Variants in ING3 observed in about 807,000 individuals in gnomAD.
The protein encoded by ING3 is inhibitor of growth family member 3, also known as inhibitor of growth protein 3.
ING3 carries 6 observed loss-of-function variants against 64.8 expected under a neutral mutation model. That is an observed-to-expected ratio of 0.09 (90% CI 0.05 to 0.18). The LOEUF (loss-of-function observed/expected upper bound fraction) is 0.18, where lower values mean the gene tolerates loss of function less well. ING3 is among the 10% of genes least tolerant of loss of function. The pLI is 1.00. For missense variants in ING3, 310 were observed against 489.7 expected (o/e 0.63, Z 3.46); for synonymous variants, 170 against 173.7 (o/e 0.98, Z 0.17).
At chr7:120,974,683 C>T (rs1455065955) in intron 11 of ING3, 45 bp from the exon 12 acceptor site, 1 of 1,048,788 alleles carries the variant, frequency 9.5e-7, no homozygotes, top group Non-Finnish European at 1.5e-6. Context: ...ACTCTCTTGT[C>T]TTCAGAAGTA....
At position 120,973,116 on chromosome 7, in the gene ING3, T is replaced by G. The variant is rs1288358782; in HGVS notation, c.1102-89T>G. 4.0e-6 allele frequency: 3 copies of G among 741,606 alleles called. No individual in the cohort carries two copies. In the East Asian group the frequency reaches 7.7e-5, roughly 19 times the overall value. 45.9% of individuals were successfully genotyped at this position (741,606 alleles called of 1,614,324 possible). A position where few individuals can be genotyped will look rare whatever the true frequency, so the allele number is the denominator to read the frequency against. On this transcript the variant is annotated intron_variant, in intron 10 of 11. Coordinates refer to ENST00000315870, the MANE Select transcript of ING3 (RefSeq NM_019071.3). The stretch of plus-strand genomic sequence containing the variant: ...GTATATTCAGTGTATTTCCCTTTAT[T>G]TTCCAGCAGTATCATACATAAACAG...
In ING3 at chr7:120,969,113, G is replaced by T; in HGVS notation, c.817G>T (p.Val273Phe). 1 of 1,614,008 alleles carries T rather than the reference G, an allele frequency of 6.2e-7. No individual in the cohort carries two copies. Among genetic ancestry groups the T allele is most frequent in the South Asian group, 1.1e-5 (1 of 91,084 alleles). Reference protein sequence around the residue: ...GKEFSMARETVGYSSSSALMT... With the variant: ...GKEFSMARETFGYSSSSALMT... ...AGAATTTTCAATGGCCAGGGAAACAGTTGGCTATTCATCATCTTCGGCACT... is the reference window on the plus strand; with the variant it reads ...AGAATTTTCAATGGCCAGGGAAACATTTGGCTATTCATCATCTTCGGCACT... The change falls in exon 9 of 12, where the codon GTT becomes TTT. Residue 273 changes from valine to phenylalanine, a missense_variant. Around this residue, in one of 3 missense-constraint regions of ING3, gnomAD observed 233 missense variants for 289.4 expected, o/e 0.81. Transcript: ENST00000315870.
rs1379626305 is a variant in ING3, at chr7:120,955,553, A to C, written c.202-6A>C. 3.1e-6 allele frequency: 5 copies of C among 1,591,338 alleles called. No homozygotes were observed. The African/African-American group carries it at 6.7e-5, about 21-fold the overall frequency. On this transcript the variant is annotated splice_region_variant and splice_polypyrimidine_tract_variant and intron_variant, in intron 3 of 11. Coordinates refer to ENST00000315870, the MANE Select transcript of ING3 (RefSeq NM_019071.3). ...TTATTTTTGAAATGAAAATGTTTTC[A>C]TTCAGGACTACTATAAAGCTTTGGA...
At position 120,955,609 on chromosome 7, in the gene ING3, C is replaced by T. The variant is rs778521456; in HGVS notation, c.252C>T (p.Asn84=). The change falls in exon 4 of 12, where the codon AAC becomes AAT. Residue 84 remains asparagine, a synonymous_variant. Coordinates refer to ENST00000315870, the MANE Select transcript of ING3 (RefSeq NM_019071.3). Reference sequence around the variant, plus strand: ...CAGATGAGAAGGTTCAGTTGGCAAACCAGATATATGACTTGGTAAGTAAAA... The same window carrying T: ...CAGATGAGAAGGTTCAGTTGGCAAATCAGATATATGACTTGGTAAGTAAAA... The part of the protein sequence containing the change: ...EDADEKVQLA[N]QIYDLVDRHL... 6.2e-7 allele frequency: 1 copy of T among 1,607,220 alleles called. No homozygotes were observed. Among genetic ancestry groups the T allele is most frequent in the Non-Finnish European group, 8.5e-7 (1 of 1,173,868 alleles).
chr7:120,968,611 G>A (rs560007654), intron 8 of ING3, among the ~76,000 whole-genome samples: 11 of 151,998 alleles, frequency 7.2e-5, no homozygotes, highest in Non-Finnish European at 1.6e-4. Flanking sequence ...TTGATAGGCC[G>A]AGGCAGGTGG....
At chr7:120,972,740 A>G (rs942227089) in intron 10 of ING3, among the ~76,000 whole-genome samples, 1 of 152,210 alleles carries the variant, frequency 6.6e-6, no homozygotes, top group Non-Finnish European at 1.5e-5. Flanking sequence ...TTAGCAAGTT[A>G]TGCCCTAAAG....
At chr7:120,974,365 A>G (rs557517010) in intron 11 of ING3, among the ~76,000 whole-genome samples, 1 of 152,226 alleles carries the variant, frequency 6.6e-6, no homozygotes, top group Non-Finnish European at 1.5e-5. Flanking sequence ...ACAGCAAATA[A>G]GGCTGACTAT....
intron 4 of ING3, chr7:120,956,541 A>G (rs1795850153): frequency 9.7e-7 from 1 of 1,025,806 alleles, no homozygotes; most frequent in Non-Finnish European, 1.2e-6. Context: ...GAAAATGTCT[A>G]GTTGTTTTTA....
At position 120,967,969 on chromosome 7, in the gene ING3, A is replaced by G. The variant is rs938680740; in HGVS notation, c.592A>G (p.Asn198Asp). ...RNNNSTASSN[N>D]AYNVNSSQPL... ...TAATAATTCCACAGCCTCTTCTAAC[A>G]ATGCCTACAATGTGAATTCCTCCCA... The change falls in exon 8 of 12, where the codon AAT (asparagine) becomes GAT (aspartate). Residue 198 changes from asparagine (N) to aspartate (D), a missense_variant. Physicochemically the swap from Asn to Asp is conservative, Grantham distance 23. Coordinates refer to ENST00000315870, the MANE Select transcript of ING3 (RefSeq NM_019071.3). 1.3e-5 allele frequency: 21 copies of G among 1,613,994 alleles called. No homozygotes were observed. Among genetic ancestry groups the G allele is most frequent in the Non-Finnish European group, 1.7e-5 (20 of 1,180,004 alleles).
Position 120,976,052 on chromosome 7 carries a change from T to G in ING3, c.*1208T>G, listed in dbSNP as rs1796131042. 6.6e-6 allele frequency: 1 copy of G among 152,158 alleles called. No individual in the cohort carries two copies. The highest frequency in any genetic ancestry group is 2.1e-4 in the South Asian group (1 of 4,838). The allele number at this position is 152,158 out of a possible 1,614,324, so 9.4% of individuals were successfully genotyped here. ...TTCTACCACTTACTGATATGACAGT[T>G]AATTCAAATTTTGTATCACTCTGGG... On this transcript the variant is annotated 3_prime_UTR_variant, in exon 12 of 12. Coordinates refer to ENST00000315870, the MANE Select transcript of ING3 (RefSeq NM_019071.3).
intron 4 of ING3, among the ~76,000 whole-genome samples, chr7:120,957,826 G>C (rs1584989092): frequency 6.6e-6 from 1 of 152,184 alleles, no homozygotes; most frequent in Non-Finnish European, 1.5e-5. Flanking sequence ...ATGCAGATGT[G>C]AGTTCAAACC....
chr7:120,954,565 A>G lies in ING3; in HGVS notation c.202-994A>G, dbSNP rs116208628. ...TTAGGAAAAAAAAAAATCATAATCT[A>G]TAACAGAAGTGGTCCTAGCTTGGAA... On this transcript the variant is annotated intron_variant, in intron 3 of 11. Transcript: ENST00000315870. Among the ~76,000 whole-genome samples the G allele has an allele frequency of 7.5e-3, 1,142 of 152,306 alleles. 16 individuals carry two copies. Among genetic ancestry groups the G allele is most frequent in the African/African-American group, 0.026 (1,064 of 41,544 alleles).
intron 10 of ING3, 81 bp downstream of exon 10, chr7:120,970,961 T>G (rs750876763): frequency 7.7e-7 from 1 of 1,293,384 alleles, no homozygotes; most frequent in East Asian, 2.5e-5. Flanking sequence ...AGCACTTTTT[T>G]AAACTCACTT....
At chr7:120,965,738 C>T (rs1470966980) in intron 5 of ING3, among the ~76,000 whole-genome samples, 1 of 152,094 alleles carries the variant, frequency 6.6e-6, no homozygotes, top group African/African-American at 2.4e-5. Flanking sequence ...ACAGATCTGT[C>T]TTGGTATCCA....
At chr7:120,968,954 A>G (rs896495314) in intron 8 of ING3, 57 bp from the exon 9 acceptor site, 9 of 1,148,676 alleles carry the variant, frequency 7.8e-6, no homozygotes, top group Non-Finnish European at 1.1e-5. Flanking sequence ...GTAAAACTTG[A>G]AAAAGAAAAT....
At chr7:120,954,577 GTCCTAGCT>G (rs1191982564) in intron 3 of ING3, among the ~76,000 whole-genome samples, 1 of 152,140 alleles carries the variant, frequency 6.6e-6, no homozygotes, top group African/African-American at 2.4e-5. Context: ...AACAGAAGTG[GTCCTAGCT>G]TGGAAGATAC....
At chr7:120,958,138 T>G (rs991946099) in intron 4 of ING3, among the ~76,000 whole-genome samples, 2 of 152,292 alleles carry the variant, frequency 1.3e-5, no homozygotes, top group East Asian at 1.9e-4. Context: ...TTTTTGTCTT[T>G]TCTTCTTTTT....
At chr7:120,961,983 G>A (rs749817636) in intron 4 of ING3, among the ~76,000 whole-genome samples, 10 of 152,294 alleles carry the variant, frequency 6.6e-5, no homozygotes, top group Admixed American at 2.6e-4. Context: ...GAAGGGTGAG[G>A]TAACTTACAT....
intron 4 of ING3, among the ~76,000 whole-genome samples, chr7:120,957,254 T>C (rs1398798418): frequency 2.0e-5 from 3 of 151,814 alleles, no homozygotes; most frequent in East Asian, 1.9e-4. Context: ...TGCCTGTAGT[T>C]CCAGCTACTC....
Sources: gnomAD v4.1 joint callset for allele counts (sites outside exome capture counted in the v4.1 genomes callset) on GRCh38, gnomAD v4.1.1 for gene constraint, gnomAD v4.1.1 regional missense constraint, MANE v1.5 for transcripts, NCBI Gene and HGNC (gene_info 2026-07-23, HGNC 2026-07-21) for gene names.